Variants in RBPJ observed in about 807,000 individuals in gnomAD.
RBPJ encodes recombination signal binding protein for immunoglobulin kappa J region.
Under a neutral mutation model 67.8 loss-of-function variants are expected in RBPJ, and 9 were observed. The observed-to-expected ratio is 0.13, with a 90% CI of 0.08 to 0.23. RBPJ has a LOEUF of 0.23. Among genes scored for constraint, RBPJ ranks in the 10% least tolerant of loss-of-function variants. RBPJ has a pLI of 1.00. For missense variants in RBPJ, 305 were observed against 595.6 expected, an observed-to-expected ratio of 0.51 and a Z score of 5.08; for synonymous variants, 198 against 203.3, an observed-to-expected ratio of 0.97 and a Z score of 0.22.
intron 7 of RBPJ, chr4:26,425,102 G>A (rs1272153904): frequency 3.6e-6 from 1 of 279,242 alleles, no homozygotes; most frequent in African/African-American, 2.2e-5. Flanking sequence ...TCATTTTTTT[G>A]TGGTACCTGC....
chr4:26,419,656 T>C (rs910102192), intron 4 of RBPJ, among the ~76,000 whole-genome samples: 10 of 152,216 alleles, frequency 6.6e-5, no homozygotes, highest in African/African-American at 2.4e-4. Flanking sequence ...CTTTAGATAC[T>C]TATGCTGTGT....
At chr4:26,160,677 C>A (rs1716061747), upstream of RBPJ, among the ~76,000 whole-genome samples, 1 of 152,170 alleles carries the variant, frequency 6.6e-6, no homozygotes, top group Non-Finnish European at 1.5e-5. Flanking sequence ...TCAACTAGAA[C>A]AAGACTGATT....
At chr4:26,287,553 G>T (rs771341601) in intron 1 of RBPJ, among the ~76,000 whole-genome samples, 1 of 33,848 alleles carries the variant, frequency 3.0e-5, no homozygotes, top group Non-Finnish European at 5.1e-5. Context: ...ACCTTGCCTC[G>T]GAAAGGAAAG....
chr4:26,173,384 C>T (rs1241596411), intron 1 of RBPJ, among the ~76,000 whole-genome samples: 1 of 152,160 alleles, frequency 6.6e-6, no homozygotes. Context: ...GATCTGCCCA[C>T]CTCGGCCTCC....
Position 26,432,027 on chromosome 4 carries a change from A to G in RBPJ, c.*1020A>G, listed in dbSNP as rs2109848255. The G allele has an allele frequency of 6.6e-6, 1 of 152,278 alleles. No individual in the cohort carries two copies. The highest frequency in any genetic ancestry group is 1.9e-4 in the East Asian group (1 of 5,182). 9.4% of individuals were successfully genotyped at this position (152,278 alleles called of 1,614,324 possible). On this transcript the variant is annotated 3_prime_UTR_variant, in exon 11 of 11. Transcript: ENST00000355476. ...TTTGTTCAGGTTTTTCCCCCCTCCT[A>G]ATCTTGTACATAACTTGTATTATGT...
intron 1 of RBPJ, among the ~76,000 whole-genome samples, chr4:26,258,408 T>C (rs1327682476): frequency 1.3e-5 from 2 of 152,256 alleles, no homozygotes; most frequent in Non-Finnish European, 2.9e-5. Flanking sequence ...GGTGCGTGAA[T>C]AGATGTACTG....
intron 1 of RBPJ, among the ~76,000 whole-genome samples, chr4:26,236,499 A>G (rs1301631381): frequency 6.6e-6 from 1 of 152,146 alleles, no homozygotes; most frequent in Non-Finnish European, 1.5e-5. Flanking sequence ...GGCTGGTGGA[A>G]CCACTTCCAA....
chr4:26,236,271 T>G (rs917439172), intron 1 of RBPJ, among the ~76,000 whole-genome samples: 5 of 152,202 alleles, frequency 3.3e-5, no homozygotes, highest in African/African-American at 1.2e-4. Context: ...ATAGCTTCGA[T>G]GTCCTCATCT....
intron 1 of RBPJ, among the ~76,000 whole-genome samples, chr4:26,185,699 A>T (rs1454190761): frequency 6.6e-6 from 1 of 152,206 alleles, no homozygotes; most frequent in Non-Finnish European, 1.5e-5. Flanking sequence ...TCAATTCTGT[A>T]CTAGATTCCT....
chr4:26,343,439 T>C (rs1577480469), intron 1 of RBPJ, among the ~76,000 whole-genome samples: 1 of 152,244 alleles, frequency 6.6e-6, no homozygotes, highest in African/African-American at 2.4e-5. Context: ...CCTAAAGATA[T>C]AAATATTGGG....
In RBPJ at chr4:26,244,795, C is replaced by T. The variant is rs533986038; in HGVS notation, c.-167+81181C>T. Among the ~76,000 whole-genome samples, 140 of 151,900 alleles carry T rather than the reference C, an allele frequency of 9.2e-4. No individual in the cohort carries two copies. In the Middle Eastern group the frequency reaches 0.01, roughly 11 times the overall value. On this transcript the variant is annotated intron_variant, in intron 1 of 4. Transcript: ENST00000512351. Reference sequence around the variant, plus strand: ...ACACACCACTTCAGGCCCACACACCCGGCTAATTTTGTATTTTTAGTAGAG... The same window carrying T: ...ACACACCACTTCAGGCCCACACACCTGGCTAATTTTGTATTTTTAGTAGAG...
At chr4:26,158,045 T>C in the RBPJ span, among the ~76,000 whole-genome samples, 1 of 152,192 alleles carries the variant, frequency 6.6e-6, no homozygotes, top group Admixed American at 6.5e-5. Context: ...GCAAGTAAAA[T>C]GGTTGTTGTT....
chr4:26,179,294 G>GTT (rs199696197), intron 1 of RBPJ, among the ~76,000 whole-genome samples: 14 of 137,020 alleles, frequency 1.0e-4, no homozygotes, highest in African/African-American at 2.7e-4. Context: ...TGATTACTGT[G>GTT]TTTTTTTTTT....
At chr4:26,199,123 G>A (rs188098752) in intron 1 of RBPJ, among the ~76,000 whole-genome samples, 38 of 152,280 alleles carry the variant, frequency 2.5e-4, no homozygotes, top group African/African-American at 8.9e-4. Context: ...AGCCAGCTGT[G>A]GGAAGTCATC....
At chr4:26,202,978 G>T (rs1168648286) in intron 1 of RBPJ, among the ~76,000 whole-genome samples, 2 of 13,596 alleles carry the variant, frequency 1.5e-4, no homozygotes, top group African/African-American at 2.9e-4. Context: ...AATAAGGAAG[G>T]AAGGAAGGAA....
At chr4:26,232,195 C>T (rs1719314255) in intron 1 of RBPJ, among the ~76,000 whole-genome samples, 1 of 152,106 alleles carries the variant, frequency 6.6e-6, no homozygotes, top group Non-Finnish European at 1.5e-5. Flanking sequence ...CATGCCCAAT[C>T]AGTTGCTTTA....
intron 1 of RBPJ, among the ~76,000 whole-genome samples, chr4:26,208,341 T>G (rs2109164880): frequency 6.6e-6 from 1 of 152,266 alleles, no homozygotes; most frequent in South Asian, 2.1e-4. Flanking sequence ...CATGCAAACC[T>G]AAGCAGCCTC....
chr4:26,342,373 A>G lies in RBPJ; in HGVS notation c.20+21325A>G, dbSNP rs371116811. Among the ~76,000 whole-genome samples the G allele has an allele frequency of 2.5e-4, 38 of 152,224 alleles. No individual in the cohort carries two copies. The East Asian group carries it at 3.7e-3, about 15-fold the overall frequency. On this transcript the variant is annotated intron_variant, in intron 1 of 10. Transcript: ENST00000355476. ...GGGAGGTAGTATTATCTTGTTTTAC[A>G]GAAACTTAACCAAGTTTACCTGCTA...
chr4:26,244,357 A>ACACATG (rs1560226348), intron 1 of RBPJ, among the ~76,000 whole-genome samples: 5 of 133,140 alleles, frequency 3.8e-5, no homozygotes, highest in Non-Finnish European at 6.7e-5. Flanking sequence ...GTGTATATAT[A>ACACATG]TGTATGCACA....
Sources: gnomAD v4.1 joint callset for allele counts (sites outside exome capture counted in the v4.1 genomes callset) on GRCh38, gnomAD v4.1.1 for gene constraint, MANE v1.5 for transcripts, NCBI Gene and HGNC (gene_info 2026-07-23, HGNC 2026-07-21) for gene names.